The following SEC14L4 variants were observed in gnomAD, a reference collection of about 807,000 sequenced individuals.
SEC14L4 encodes the protein SEC14-like protein 4.
Under a neutral mutation model 55.1 loss-of-function variants are expected in SEC14L4, and 42 were observed. The observed-to-expected ratio is 0.76, with a 90% CI of 0.60 to 0.99. The LOEUF (loss-of-function observed/expected upper bound fraction) is 0.99. Among genes scored for constraint, SEC14L4 ranks in the 50% least tolerant of loss-of-function variants. SEC14L4 has a pLI of 0.00. For synonymous variants in SEC14L4, 206 were observed against 206.8 expected, an observed-to-expected ratio of 1.00 and a Z score of 0.03; for missense variants, 445 against 512.1, an observed-to-expected ratio of 0.87 and a Z score of 1.27.
rs574882273 is a variant in SEC14L4, at chr22:30,500,525, C to T, written c.130+3152G>A. The stretch of plus-strand genomic sequence containing the variant: ...GGAACTACAAGCATGCACCAACACA[C>T]CCGGCTTATTTTTGAATTTTTTGTA... On this transcript the variant is annotated intron_variant, in intron 2 of 11. Transcript: ENST00000255858. Among the ~76,000 whole-genome samples, 6 of 152,108 alleles carry T rather than the reference C, an allele frequency of 3.9e-5. No individual in the cohort carries two copies. The South Asian group carries it at 1.2e-3, about 32-fold the overall frequency.
At chr22:30,504,270 G>T (rs1936424773) in intron 1 of SEC14L4, among the ~76,000 whole-genome samples, 1 of 151,962 alleles carries the variant, frequency 6.6e-6, no homozygotes, top group Non-Finnish European at 1.5e-5. Flanking sequence ...GCCCAGGCTG[G>T]TCTCAAACTC....
chr22:30,495,405 T>C lies in SEC14L4; in HGVS notation c.272A>G (p.Tyr91Cys), dbSNP rs146819813. ...QLYDSGGLCG[Y>C]DYEGCPVYFN... The stretch of plus-strand genomic sequence containing the variant: ...GTACACAGGGCAGCCTTCGTAGTCG[T>C]AGCCACAAAGACCACCCGAGTCATA... Residue 91 changes from tyrosine (Y) to cysteine (C), a missense_variant, in exon 5 of 12, where the codon TAC becomes TGC. By Grantham distance (194) the Tyr-to-Cys change is radical. Transcript: ENST00000255858. The C allele has an allele frequency of 8.1e-6, 13 of 1,613,834 alleles. No individual in the cohort carries two copies. The highest frequency in any genetic ancestry group is 2.7e-5 in the African/African-American group (2 of 74,900).
At chr22:30,496,645 G>A (rs1308908495) in intron 2 of SEC14L4, among the ~76,000 whole-genome samples, 1 of 152,118 alleles carries the variant, frequency 6.6e-6, no homozygotes, top group Non-Finnish European at 1.5e-5. Flanking sequence ...AAAGTCTAGT[G>A]TTGCCCTTTT....
In SEC14L4 at chr22:30,498,124, C is replaced by CTTT. The variant is rs869157636; in HGVS notation, c.131-2156_131-2154dup. On this transcript the variant is annotated intron_variant, in intron 2 of 11. Transcript: ENST00000255858. ...TGAATGGTATCTGACTTTTCATTATCTTTTTTTTTTTTTTTTTTTTTTTGA... is the reference window on the plus strand; with the variant it reads ...TGAATGGTATCTGACTTTTCATTATCTTTTTTTTTTTTTTTTTTTTTTTTTTGA... 2.1e-3 allele frequency among the ~76,000 whole-genome samples: 203 copies of CTTT among 98,356 alleles called. 1 individual carries two copies. The highest frequency in any genetic ancestry group is 2.4e-3 in the African/African-American group (57 of 23,864). The allele number at this position is 98,356 out of a possible 152,430, so 64.5% of individuals were successfully genotyped here. A position where few individuals can be genotyped will look rare whatever the true frequency, so the allele number is the denominator to read the frequency against.
chr22:30,496,127 G>GTT (rs956118892), intron 2 of SEC14L4, among the ~76,000 whole-genome samples, 156 bp from the exon 3 acceptor site: 44 of 152,232 alleles, frequency 2.9e-4, no homozygotes, highest in African/African-American at 9.9e-4. Context: ...TTGTTTGTGT[G>GTT]TTTATTTTTT....
rs1013484332 is a variant in SEC14L4, at chr22:30,501,962, G to A, written c.130+1715C>T. On this transcript the variant is annotated intron_variant, in intron 2 of 11. Coordinates refer to ENST00000255858, the MANE Select transcript of SEC14L4 (RefSeq NM_174977.4). ...GCTCACTGCAACCTCCGCCTCCTGG[G>A]TTCAAGTGATTCTCGTGCCTCAGCC... Among the ~76,000 whole-genome samples, 17 of 149,832 alleles carry A rather than the reference G, an allele frequency of 1.1e-4. 1 individual carries two copies. The highest frequency in any genetic ancestry group is 3.0e-5 in the Non-Finnish European group (2 of 67,702).
At chr22:30,500,819 G>A (rs970216666) in intron 2 of SEC14L4, among the ~76,000 whole-genome samples, 2 of 140,782 alleles carry the variant, frequency 1.4e-5, no homozygotes, top group African/African-American at 2.7e-5. Flanking sequence ...GAGGGGACCA[G>A]GGCAGGCACA....
At chr22:30,494,836 C>T (rs1485762605) in intron 6 of SEC14L4, 30 bp downstream of exon 6, 1 of 1,499,848 alleles carries the variant, frequency 6.7e-7, no homozygotes, top group Non-Finnish European at 9.3e-7. Context: ...CCACTGCCCA[C>T]ACCAGCCCCA....
At chr22:30,493,476 A>C (rs1936033806) in intron 7 of SEC14L4, among the ~76,000 whole-genome samples, 1 of 152,176 alleles carries the variant, frequency 6.6e-6, no homozygotes, top group Non-Finnish European at 1.5e-5. Context: ...TTAGATTTGA[A>C]CCAGATCCTC....
chr22:30,495,342 A>C lies in SEC14L4; in HGVS notation c.335T>G (p.Leu112Arg). 6.2e-7 allele frequency: 1 copy of C among 1,614,128 alleles called. No individual in the cohort carries two copies. Among genetic ancestry groups the C allele is most frequent in the Non-Finnish European group, 8.5e-7 (1 of 1,180,030 alleles). ...CATATCCTGCTTGGAGGCTGACAGCAGGAGACCCTTGGGGTCGAGGGACCC... is the reference window on the plus strand; with the variant it reads ...CATATCCTGCTTGGAGGCTGACAGCCGGAGACCCTTGGGGTCGAGGGACCC... Reference protein sequence around the residue: ...IIGSLDPKGLLLSASKQDMIR... With the variant: ...IIGSLDPKGLRLSASKQDMIR... The change falls in exon 5 of 12, where the codon CTG (leucine) becomes CGG (arginine). Residue 112 changes from leucine (L) to arginine (R), a missense_variant. Transcript: ENST00000255858.
Position 30,493,935 on chromosome 22 carries a change from C to T in SEC14L4, c.580+215G>A, listed in dbSNP as rs1050149779. Among the ~76,000 whole-genome samples, 5 of 152,100 alleles carry T rather than the reference C, an allele frequency of 3.3e-5. No individual in the cohort carries two copies. The South Asian group carries it at 8.3e-4, about 25-fold the overall frequency. On this transcript the variant is annotated intron_variant, in intron 7 of 11. Transcript: ENST00000255858. The stretch of plus-strand genomic sequence containing the variant: ...AGGAGAATTGCTTGAACCCAGGAGG[C>T]GGAGGTTGCAGTGAGCCAATATCAT...
At chr22:30,501,846 CATATATATAT>C (rs3067218) in intron 2 of SEC14L4, among the ~76,000 whole-genome samples, 1 of 111,898 alleles carries the variant, frequency 8.9e-6, no homozygotes, top group South Asian at 2.8e-4. Context: ...CACACACGCA[CATATATATAT>C]ATATATATAT....
chr22:30,500,220 G>A (rs1024024444), intron 2 of SEC14L4, among the ~76,000 whole-genome samples: 2 of 152,056 alleles, frequency 1.3e-5, no homozygotes, highest in African/African-American at 4.8e-5. Context: ...ACTGGAGTCT[G>A]AGTTTTGGGG....
At chr22:30,501,846 C>CAT (rs3067218) in intron 2 of SEC14L4, among the ~76,000 whole-genome samples, 8,262 of 111,760 alleles carry the variant, frequency 0.074, 388 homozygotes, top group Admixed American at 0.094. Flanking sequence ...CACACACGCA[C>CAT]ATATATATAT....
intron 6 of SEC14L4, 28 bp from the exon 7 acceptor site, chr22:30,494,238 G>T: frequency 6.3e-7 from 1 of 1,595,538 alleles, no homozygotes; most frequent in South Asian, 1.1e-5. Flanking sequence ...GTCTGGTTGG[G>T]GCTCTGTTCC....
Position 30,489,326 on chromosome 22 carries a change from G to C in SEC14L4, c.*781C>G, listed in dbSNP as rs1031486098. On this transcript the variant is annotated 3_prime_UTR_variant, in exon 12 of 12. Coordinates refer to ENST00000255858, the MANE Select transcript of SEC14L4 (RefSeq NM_174977.4). ...ACGATCTCAGCTCACTACAACCTCC[G>C]CCTCCTGGGTACAAGCGATTCTCCT... The C allele has an allele frequency of 1.2e-5, 2 of 162,132 alleles. No individual in the cohort carries two copies. The highest frequency in any genetic ancestry group is 4.8e-5 in the African/African-American group (2 of 41,548). 10.0% of individuals were successfully genotyped at this position (162,132 alleles called of 1,614,324 possible).
chr22:30,505,693 T>C lies in SEC14L4; in HGVS notation c.-82A>G. On this transcript the variant is annotated 5_prime_UTR_variant, in exon 1 of 12. Transcript: ENST00000255858. ...GGCCTTGTATCCGCTGCCGCCTGGT[T>C]GTGCCTCCTGGGCCAGATGTTGGTC... The C allele has an allele frequency of 1.5e-6, 2 of 1,354,882 alleles. No individual in the cohort carries two copies. The highest frequency in any genetic ancestry group is 2.0e-6 in the Non-Finnish European group (2 of 1,000,912). The allele number at this position is 1,354,882 out of a possible 1,614,324, so 83.9% of individuals were successfully genotyped here.
intron 8 of SEC14L4, 119 bp downstream of exon 8, chr22:30,492,353 TCA>T (rs1278066623): frequency 1.7e-6 from 2 of 1,153,042 alleles, no homozygotes; most frequent in Non-Finnish European, 1.3e-6. Context: ...GTGTGGAGGC[TCA>T]CCAGGGTCAG....
In SEC14L4 at chr22:30,490,237, C is replaced by T. The variant is rs144993910; in HGVS notation, c.1091G>A (p.Arg364His). Residue 364 changes from arginine to histidine, a missense_variant, in exon 12 of 12, where the codon CGC becomes CAC. By Grantham distance (29) the Arg-to-His change is conservative. Coordinates refer to ENST00000255858, the MANE Select transcript of SEC14L4 (RefSeq NM_174977.4). ...CATCCGGCTGTAGGTGTTGTCGAAGCGCAGGACATCTGCAGTGATGGAGAG... is the reference window on the plus strand; with the variant it reads ...CATCCGGCTGTAGGTGTTGTCGAAGTGCAGGACATCTGCAGTGATGGAGAG... ...TCLQAGVYVL[R>H]FDNTYSRMHA... The T allele has an allele frequency of 2.1e-4, 340 of 1,613,358 alleles. No individual in the cohort carries two copies. In the African/African-American group the frequency reaches 3.7e-3, roughly 18 times the overall value.
Sources: gnomAD v4.1 joint callset for allele counts (sites outside exome capture counted in the v4.1 genomes callset) on GRCh38, gnomAD v4.1.1 for gene constraint, MANE v1.5 for transcripts, NCBI Gene and HGNC (gene_info 2026-07-23, HGNC 2026-07-21) for gene names.